Variants in CYTH3 observed in about 807,000 individuals in gnomAD.
The protein encoded by CYTH3 is cytohesin-3.
Under a neutral mutation model 55.1 loss-of-function variants are expected in CYTH3, and 23 were observed. That is an observed-to-expected ratio of 0.42 (90% confidence interval 0.30 to 0.59). The LOEUF (loss-of-function observed/expected upper bound fraction) is 0.59, where lower values mean the gene tolerates loss of function less well. Among genes scored for constraint, CYTH3 ranks in the 20% least tolerant of loss-of-function variants. The pLI is 0.20. For missense variants in CYTH3, 413 were observed against 524.8 expected (o/e 0.79, Z 2.08); for synonymous variants, 249 against 194.9 (o/e 1.28, Z -2.31).
intron 1 of CYTH3, among the ~76,000 whole-genome samples, chr7:6,223,417 G>C (rs1034387989): frequency 6.6e-6 from 1 of 152,338 alleles, no homozygotes; most frequent in Middle Eastern, 3.4e-3. Flanking sequence ...GGAAAAGAAA[G>C]AGAGATCAGA....
At chr7:6,269,049 AG>A (rs1780582778) in intron 1 of CYTH3, among the ~76,000 whole-genome samples, 1 of 152,162 alleles carries the variant, frequency 6.6e-6, no homozygotes, top group South Asian at 2.1e-4. Context: ...GGCAGGCCTA[AG>A]GGAAATAACC....
At position 6,173,723 on chromosome 7, in the gene CYTH3, T is replaced by C. The variant is rs768133140; in HGVS notation, c.379A>G (p.Asn127Asp). ...ACAAAGGCTTGAAGAACTTTAATAT[T>C]AAATTCATCCCTGGGAAAAAAAGAA... Reference protein sequence around the residue: ...GDYLGERDEFNIKVLQAFVEL... With the variant: ...GDYLGERDEFDIKVLQAFVEL... The change falls in exon 6 of 13, where the codon AAT becomes GAT. Residue 127 changes from asparagine to aspartate, a missense_variant. Transcript: ENST00000350796. 6.3e-7 allele frequency: 1 copy of C among 1,599,064 alleles called. No individual in the cohort carries two copies. Among genetic ancestry groups the C allele is most frequent in the Admixed American group, 1.7e-5 (1 of 59,978 alleles).
chr7:6,251,998 A>G (rs912401333), intron 1 of CYTH3, among the ~76,000 whole-genome samples: 3 of 152,244 alleles, frequency 2.0e-5, no homozygotes, highest in Admixed American at 6.5e-5. Context: ...CATAAAAACC[A>G]CTTTAAAACA....
chr7:6,170,350 C>G lies in CYTH3; in HGVS notation c.823+185G>C. ...CTCTGCCGCGGGCATGGCTCTGAGGCCCCGGCTCGGAGAAGCAGCCGTGGC... is the reference window on the plus strand; with the variant it reads ...CTCTGCCGCGGGCATGGCTCTGAGGGCCCGGCTCGGAGAAGCAGCCGTGGC... On this transcript the variant is annotated intron_variant, in intron 9 of 12. Coordinates refer to ENST00000350796, the MANE Select transcript of CYTH3 (RefSeq NM_004227.4). This position sits in a 1 kb window ranked among gnomAD's most constrained non-coding sequence, Gnocchi z 7.8. 1 of 606,826 alleles carries G rather than the reference C, an allele frequency of 1.6e-6. No individual in the cohort carries two copies. Among genetic ancestry groups the G allele is most frequent in the Non-Finnish European group, 2.9e-6 (1 of 350,314 alleles). The allele number at this position is 606,826 out of a possible 1,614,324, so 37.6% of individuals were successfully genotyped here.
chr7:6,200,498 T>G (rs770747624), intron 1 of CYTH3, among the ~76,000 whole-genome samples: 7 of 152,230 alleles, frequency 4.6e-5, no homozygotes, highest in Non-Finnish European at 1.0e-4. Flanking sequence ...TCTGGCTACC[T>G]AGTCCTAATT....
chr7:6,165,069 C>T (rs1357861521), intron 12 of CYTH3, 53 bp from the exon 13 acceptor site: 16 of 1,607,454 alleles, frequency 1.0e-5, no homozygotes, highest in Middle Eastern at 1.6e-4. Context: ...ACACAGACCT[C>T]CCCTTTCCCA....
intron 1 of CYTH3, among the ~76,000 whole-genome samples, chr7:6,227,656 C>A (rs934276784): frequency 1.3e-5 from 2 of 152,162 alleles, no homozygotes; most frequent in African/African-American, 4.8e-5. Flanking sequence ...CTGGTTGGGG[C>A]CCAAGTAAGC....
chr7:6,268,090 T>C (rs1279512622), intron 1 of CYTH3, among the ~76,000 whole-genome samples: 1 of 151,902 alleles, frequency 6.6e-6, no homozygotes, highest in Admixed American at 6.6e-5. Context: ...GGAATCTGCA[T>C]GCATCAGCCA....
rs186214077 is a variant in CYTH3, at chr7:6,185,660, A to G, written c.249+1390T>C. 7.7e-3 allele frequency among the ~76,000 whole-genome samples: 1,159 copies of G among 150,816 alleles called. 22 individuals carry two copies. Among genetic ancestry groups the G allele is most frequent in the African/African-American group, 0.027 (1,099 of 40,754 alleles). On this transcript the variant is annotated intron_variant, in intron 4 of 12. Transcript: ENST00000350796. ...GCTTGCGGTGGGCCGAGATCGCACCACTGCACTCCAGCCTGGGCAACAGAG... is the reference window on the plus strand; with the variant it reads ...GCTTGCGGTGGGCCGAGATCGCACCGCTGCACTCCAGCCTGGGCAACAGAG...
At chr7:6,202,351 T>G (rs1033077751) in intron 1 of CYTH3, among the ~76,000 whole-genome samples, 2 of 152,124 alleles carry the variant, frequency 1.3e-5, no homozygotes, top group South Asian at 4.1e-4. Context: ...AGCCCCCGGC[T>G]GGCCTTCCAG....
At chr7:6,179,690 CCA>C (rs1167804030) in intron 4 of CYTH3, among the ~76,000 whole-genome samples, 2 of 100,654 alleles carry the variant, frequency 2.0e-5, no homozygotes, top group Non-Finnish European at 4.0e-5. Flanking sequence ...ACACACCCCC[CCA>C]CACACACACC....
At chr7:6,218,290 A>G (rs1428072029) in intron 1 of CYTH3, among the ~76,000 whole-genome samples, 1 of 152,204 alleles carries the variant, frequency 6.6e-6, no homozygotes, top group East Asian at 1.9e-4. Flanking sequence ...TGTGACACAG[A>G]AGAAGGCAAC....
At chr7:6,227,231 G>C (rs979046082) in intron 1 of CYTH3, among the ~76,000 whole-genome samples, 11 of 152,140 alleles carry the variant, frequency 7.2e-5, no homozygotes, top group Admixed American at 5.9e-4. Context: ...AAGCAGATAG[G>C]AACAGATTGA....
intron 1 of CYTH3, among the ~76,000 whole-genome samples, chr7:6,209,446 C>G (rs991233676): frequency 6.6e-6 from 1 of 152,156 alleles, no homozygotes; most frequent in Non-Finnish European, 1.5e-5. Context: ...GAGATCAAAC[C>G]TGAATAAAGT....
intron 1 of CYTH3, among the ~76,000 whole-genome samples, chr7:6,268,695 G>T (rs1265536297): frequency 6.6e-6 from 1 of 152,162 alleles, no homozygotes; most frequent in Non-Finnish European, 1.5e-5. Context: ...GAACTGGATT[G>T]CTGGGTCAAA....
chr7:6,188,309 G>T (rs754001086), intron 2 of CYTH3, among the ~76,000 whole-genome samples: 2 of 151,696 alleles, frequency 1.3e-5, no homozygotes, highest in South Asian at 2.1e-4. Flanking sequence ...CTCCAGTCTG[G>T]GTGACAGAGC....
intron 1 of CYTH3, among the ~76,000 whole-genome samples, chr7:6,264,029 C>G (rs62454286): frequency 1.3e-5 from 2 of 151,458 alleles, no homozygotes; most frequent in Non-Finnish European, 2.9e-5. Context: ...GGCAGATCAT[C>G]TGAGGTCAGA....
At chr7:6,179,665 CCA>C (rs1195329260) in intron 4 of CYTH3, among the ~76,000 whole-genome samples, 6 of 96,290 alleles carry the variant, frequency 6.2e-5, no homozygotes, top group African/African-American at 1.4e-4. Context: ...CACACACACC[CCA>C]CACACACACC....
chr7:6,265,711 T>C (rs1780475616), intron 1 of CYTH3, among the ~76,000 whole-genome samples: 1 of 151,830 alleles, frequency 6.6e-6, no homozygotes, highest in Non-Finnish European at 1.5e-5. Context: ...AGAATAGGAT[T>C]CTCAATAAAC....
Sources: allele counts gnomAD v4.1 joint callset (sites outside exome capture counted in the v4.1 genomes callset), GRCh38; gene constraint gnomAD v4.1.1; non-coding constraint Gnocchi (gnomAD v3.1); transcripts MANE v1.5; gene names NCBI Gene and HGNC (gene_info 2026-07-23, HGNC 2026-07-21).